The following GANAB variants were observed in gnomAD, a reference collection of about 807,000 sequenced individuals.
GANAB encodes the protein glucosidase II alpha subunit.
A neutral mutation model predicts 129.9 loss-of-function variants in GANAB; 35 were observed. The ratio of observed to expected loss-of-function variants is 0.27; its 90% confidence interval spans 0.21 to 0.36. The LOEUF is 0.36. Ranked by LOEUF, GANAB falls within the 10% of genes least tolerant of loss-of-function variation. The probability of loss-of-function intolerance (pLI) is 1.00; values close to 1 mark genes in which losing one functional copy is unlikely to be tolerated. For missense variants in GANAB, 939 were observed against 1,221.0 expected, an observed-to-expected ratio of 0.77 and a Z score of 3.44; for synonymous variants, 482 against 451.8, an observed-to-expected ratio of 1.07 and a Z score of -0.85.
intron 19 of GANAB, 21 bp downstream of exon 19, chr11:62,627,027 C>A: frequency 2.5e-6 from 4 of 1,606,992 alleles, no homozygotes; most frequent in South Asian, 2.2e-5. Flanking sequence ...TCTTTCCCCA[C>A]CATGCCCTTC....
In GANAB at chr11:62,632,641, G is replaced by C. The variant is rs201801499; in HGVS notation, c.920C>G (p.Pro307Arg). Residue 307 changes from proline to arginine, a missense_variant, in exon 9 of 24, where the codon CCT becomes CGT. Coordinates refer to ENST00000356638, the MANE Select transcript of GANAB (RefSeq NM_198334.3). ...CCAGAAGATGCCCAAGTCGCGATGA[G>C]GGTTGTGTGCCAGGAGCACAGGCAC... ...GSVPVLLAHNPHRDLGIFWLN... is the reference protein window; with the variant it reads ...GSVPVLLAHNRHRDLGIFWLN... 337 of 1,614,006 alleles carry C rather than the reference G, an allele frequency of 2.1e-4. No homozygotes were observed. The highest frequency in any genetic ancestry group is 2.7e-4 in the Non-Finnish European group (321 of 1,179,886).
In GANAB at chr11:62,626,396, G is replaced by C; in HGVS notation, c.2563C>G (p.Gln855Glu). 1 of 1,613,794 alleles carries C rather than the reference G, an allele frequency of 6.2e-7. No homozygotes were observed. Among genetic ancestry groups the C allele is most frequent in the African/African-American group, 1.3e-5 (1 of 75,036 alleles). The change falls in exon 22 of 24, where the codon CAG becomes GAG. Residue 855 changes from glutamine to glutamate, a missense_variant. This residue lies in a region of GANAB where 230 missense variants were observed against 259.9 expected (regional missense o/e 0.89). Transcript: ENST00000356638. ...FLDDGHTFNY[Q>E]TRQEFLLRRF... ...CGCAGCAGGAACTCTTGGCGAGTCT[G>C]ATAGTTGAACGTGTGCCCATCATCC...
chr11:62,642,195 C>A (rs930497731), intron 1 of GANAB, among the ~76,000 whole-genome samples: 8 of 151,898 alleles, frequency 5.3e-5, no homozygotes, highest in African/African-American at 1.9e-4. Flanking sequence ...GGCAACAGAG[C>A]GTGACTCTGA....
chr11:62,636,727 T>C (rs1943958185), intron 4 of GANAB, among the ~76,000 whole-genome samples: 1 of 151,638 alleles, frequency 6.6e-6, no homozygotes. Context: ...GGCATGAGCC[T>C]GCAGTCCCAG....
rs746364449 is a variant in GANAB, at chr11:62,639,497, A to G, written c.144-30T>C. On this transcript the variant is annotated intron_variant, in intron 2 of 23. Transcript: ENST00000356638. ...CAAGTGAAGGGTTGGGAAGTAAGGT[A>G]AAGGCCACCTGCAATGTCCCTAAGT... 6 of 1,552,238 alleles carry G rather than the reference A, an allele frequency of 3.9e-6. No homozygotes were observed. The South Asian group carries it at 6.7e-5, about 17-fold the overall frequency.
intron 13 of GANAB, 77 bp downstream of exon 13, chr11:62,630,120 G>A: frequency 1.5e-6 from 2 of 1,346,984 alleles, no homozygotes; most frequent in Non-Finnish European, 2.1e-6. Context: ...AACCATAGAA[G>A]GGTTGGCAAG....
rs200672776 is a variant in GANAB at position 62,626,652 on chromosome 11, C to A, written c.2430G>T (p.Val810=). The A allele has an allele frequency of 3.7e-6, 6 of 1,609,570 alleles. No individual in the cohort carries two copies. In the Admixed American group the frequency reaches 8.4e-5, roughly 22 times the overall value. The stretch of plus-strand genomic sequence containing the variant: ...ACCGCCGCACTCGCATCCATCGAGG[C>A]ACGATTGTCCCTCCACGCTGGAACA... The part of the protein sequence containing the change: ...IPVFQRGGTI[V]PRWMRVRRSS... Residue 810 remains valine (V), a synonymous_variant, in exon 21 of 24, where the codon GTG becomes GTT. Transcript: ENST00000356638.
chr11:62,634,876 T>G lies in GANAB; in HGVS notation c.505A>C (p.Ser169Arg). 1 of 1,614,094 alleles carries G rather than the reference T, an allele frequency of 6.2e-7. No homozygotes were observed. Among genetic ancestry groups the G allele is most frequent in the Non-Finnish European group, 8.5e-7 (1 of 1,179,948 alleles). ...DLLEDRSLLLSVNARGLLEFE... is the reference protein window; with the variant it reads ...DLLEDRSLLLRVNARGLLEFE... ...TCCAAGAGTCCTCGGGCATTGACAC[T>G]AAGCAAAAGACTTCGGTCCTCTAGT... Residue 169 changes from serine to arginine, a missense_variant, in exon 5 of 24, where the codon AGT (serine) becomes CGT (arginine). Physicochemically the swap from Ser to Arg is moderately radical, Grantham distance 110. Around this residue, in one of 5 missense-constraint regions of GANAB, gnomAD observed 321 missense variants for 329.1 expected, o/e 0.98. Coordinates refer to ENST00000356638, the MANE Select transcript of GANAB (RefSeq NM_198334.3).
At chr11:62,634,297 G>C in intron 5 of GANAB, 1 of 1,551,892 alleles carries the variant, frequency 6.4e-7, no homozygotes. Flanking sequence ...AGTACCGGTG[G>C]CCATGGATTT....
At position 62,630,232 on chromosome 11, in the gene GANAB, A is replaced by G; in HGVS notation, c.1558T>C (p.Trp520Arg). The change falls in exon 13 of 24, where the codon TGG (tryptophan) becomes CGG (arginine). Residue 520 changes from tryptophan to arginine, a missense_variant. By Grantham distance (101) the Trp-to-Arg change is moderately radical (BLOSUM62 -3). Around this residue, in one of 5 missense-constraint regions of GANAB, gnomAD observed 220 missense variants for 295.9 expected, o/e 0.74. Transcript: ENST00000356638. ...TCATAGCTGAACATGTTAGCCCACC[A>G]GGCCCTCATCGTGGGATTAGTGAAG... ...PDFTNPTMRA[W>R]WANMFSYDNY... 6.2e-7 allele frequency: 1 copy of G among 1,613,570 alleles called. No homozygotes were observed. The highest frequency in any genetic ancestry group is 8.5e-7 in the Non-Finnish European group (1 of 1,179,662).
In GANAB at chr11:62,625,293, G is replaced by A. The variant is rs746302915; in HGVS notation, c.*522C>T. ...CTCCTTTGATCCATTCATCCTGTCC[G>A]GGGTAAGGGGTGGTCCCAGTGTATC... On this transcript the variant is annotated 3_prime_UTR_variant, in exon 24 of 24. Transcript: ENST00000356638. The A allele has an allele frequency of 2.2e-5, 10 of 456,250 alleles. No individual in the cohort carries two copies. The highest frequency in any genetic ancestry group is 3.5e-5 in the Non-Finnish European group (8 of 226,836). The allele number at this position is 456,250 out of a possible 1,614,324, so 28.3% of individuals were successfully genotyped here. A position where few individuals can be genotyped will look rare whatever the true frequency, so the allele number is the denominator to read the frequency against.
intron 5 of GANAB, 74 bp downstream of exon 5, chr11:62,634,747 C>A: frequency 8.0e-7 from 1 of 1,248,068 alleles, no homozygotes; most frequent in Non-Finnish European, 1.1e-6. Context: ...ACCGTCTCCT[C>A]CCCGTGCCAG....
At chr11:62,633,728 G>T (rs1943803106) in intron 5 of GANAB, 1 of 594,930 alleles carries the variant, frequency 1.7e-6, no homozygotes, top group Admixed American at 2.9e-5. Context: ...TGAGGAATAA[G>T]TGCCACCAGG....
chr11:62,639,841 A>C lies in GANAB; in HGVS notation c.39-110T>G, dbSNP rs567050482. The C allele has an allele frequency of 6.7e-5, 47 of 705,492 alleles. No individual in the cohort carries two copies. The African/African-American group carries it at 8.1e-4, about 12-fold the overall frequency. 43.7% of individuals were successfully genotyped at this position (705,492 alleles called of 1,614,324 possible). A position where few individuals can be genotyped will look rare whatever the true frequency, so the allele number is the denominator to read the frequency against. ...AGCACTAGAAGATAGTTGAGGAAAG[A>C]GGGGAGAAAGATGTAGTCACATCAA... is the stretch of plus-strand genomic sequence containing the variant. On this transcript the variant is annotated intron_variant, in intron 1 of 23. Transcript: ENST00000356638.
chr11:62,637,009 G>T (rs913734751), intron 4 of GANAB, among the ~76,000 whole-genome samples: 1 of 151,874 alleles, frequency 6.6e-6, no homozygotes, highest in Non-Finnish European at 1.5e-5. Flanking sequence ...ACAACAGAAG[G>T]TAAAAGACTG....
At position 62,625,714 on chromosome 11, in the gene GANAB, T is replaced by C; in HGVS notation, c.*101A>G. ...GCAGAATCTGGGTCTTAGACTAGCA[T>C]AAGTGAAGTCTGGGGAGGGCCGAAC... On this transcript the variant is annotated 3_prime_UTR_variant, in exon 24 of 24. Transcript: ENST00000356638. The C allele has an allele frequency of 2.6e-6, 2 of 768,950 alleles. No individual in the cohort carries two copies. Among genetic ancestry groups the C allele is most frequent in the Non-Finnish European group, 4.6e-6 (2 of 435,990 alleles). 47.6% of individuals were successfully genotyped at this position (768,950 alleles called of 1,614,324 possible). A position where few individuals can be genotyped will look rare whatever the true frequency, so the allele number is the denominator to read the frequency against.
rs972810771 is a variant in GANAB, at chr11:62,628,984, T to C, written c.1965A>G (p.Pro655=). ...ACCAGCGCACAAGCAGCTCTGGCTC[T>C]GGGTTTTTGAAGAAGCCACCCACAT... ...GADVGGFFKN[P]EPELLVRWYQ... Residue 655 remains proline (P), a synonymous_variant, in exon 17 of 24, where the codon CCA becomes CCG. Transcript: ENST00000356638. 13 of 1,613,284 alleles carry C rather than the reference T, an allele frequency of 8.1e-6. No individual in the cohort carries two copies. The highest frequency in any genetic ancestry group is 3.3e-4 in the Middle Eastern group (2 of 6,078).
At chr11:62,639,948 A>T (rs1944150633) in intron 1 of GANAB, 1 of 537,274 alleles carries the variant, frequency 1.9e-6, no homozygotes, top group African/African-American at 1.9e-5. Context: ...TTTGAAAGGC[A>T]GAGTAGGCTG....
intron 5 of GANAB, chr11:62,633,782 G>A: frequency 1.8e-6 from 1 of 543,744 alleles, no homozygotes; most frequent in Non-Finnish European, 3.3e-6. Context: ...TCCCAGAAGA[G>A]AAAGGCAGAA....
Sources: gnomAD v4.1 joint callset for allele counts (sites outside exome capture counted in the v4.1 genomes callset) on GRCh38, gnomAD v4.1.1 for gene constraint, gnomAD v4.1.1 regional missense constraint, MANE v1.5 for transcripts, NCBI Gene and HGNC (gene_info 2026-07-23, HGNC 2026-07-21) for gene names.